The following TPM4 variants were observed in gnomAD, a reference collection of about 807,000 sequenced individuals.
TPM4 encodes tropomyosin alpha-4 chain.
A neutral mutation model predicts 35.8 loss-of-function variants in TPM4; 17 were observed. The observed-to-expected ratio is 0.47, with a 90% CI of 0.32 to 0.71. The LOEUF is 0.71. Ranked by LOEUF, TPM4 falls within the 30% of genes least tolerant of loss-of-function variation. TPM4 has a pLI of 0.03. For missense variants in TPM4, 240 were observed against 320.9 expected, an observed-to-expected ratio of 0.75 and a Z score of 1.93; for synonymous variants, 120 against 122.9, an observed-to-expected ratio of 0.98 and a Z score of 0.15.
At chr19:16,095,547 T>G in intron 7 of TPM4, 1 of 1,014,436 alleles carries the variant, frequency 9.9e-7, no homozygotes, top group Non-Finnish European at 1.2e-6. Context: ...ACTTGCTGCC[T>G]TTGAGCTGTA....
At position 16,070,722 on chromosome 19, in the gene TPM4, C is replaced by T. The variant is rs2144908130; in HGVS notation, c.114+2984C>T. The stretch of plus-strand genomic sequence containing the variant: ...CAATAAATGTAGGTTGATTTCCTGC[C>T]CCGCCCTACTTCCCCTTTGGGCCTC... On this transcript the variant is annotated intron_variant, in intron 2 of 2. Transcript: ENST00000589897. This position sits in a 1 kb window ranked among gnomAD's most constrained non-coding sequence, Gnocchi z 7.4. 6.6e-6 allele frequency among the ~76,000 whole-genome samples: 1 copy of T among 152,124 alleles called. No individual in the cohort carries two copies. Among genetic ancestry groups the T allele is most frequent in the Non-Finnish European group, 1.5e-5 (1 of 67,982 alleles).
chr19:16,068,977 T>C (rs1256594527), intron 2 of TPM4, among the ~76,000 whole-genome samples: 2 of 151,954 alleles, frequency 1.3e-5, no homozygotes, highest in Non-Finnish European at 2.9e-5. Context: ...GTGGGTGTGT[T>C]TGTGAGCCTG....
upstream of TPM4, among the ~76,000 whole-genome samples, chr19:16,073,510 C>T (rs572770799): frequency 1.4e-3 from 214 of 152,210 alleles, no homozygotes; most frequent in African/African-American, 4.8e-3. Context: ...GAAAAGGGGA[C>T]GGGGGTCGCA....
upstream of TPM4, chr19:16,074,282 A>G (rs564505389): frequency 7.9e-5 from 12 of 152,360 alleles, no homozygotes; most frequent in African/African-American, 2.9e-4. Context: ...ACAAAACACC[A>G]TAGACTGGGT....
At position 16,086,483 on chromosome 19, in the gene TPM4, G is replaced by A. The variant is rs1388735652; in HGVS notation, c.327G>A (p.Glu109=). ...ATGAGGAGAAGATGGAGATTCAGGAGATGCAGCTCAAAGAGGCCAAGCACA... is the reference window on the plus strand; with the variant it reads ...ATGAGGAGAAGATGGAGATTCAGGAAATGCAGCTCAAAGAGGCCAAGCACA... ...MKDEEKMEIQ[E]MQLKEAKHIA... The change falls in exon 3 of 8, where the codon GAG becomes GAA. Residue 109 remains glutamate (E), a synonymous_variant. Transcript: ENST00000643579. 6.2e-7 allele frequency: 1 copy of A among 1,614,038 alleles called. No homozygotes were observed. Among genetic ancestry groups the A allele is most frequent in the East Asian group, 2.2e-5 (1 of 44,882 alleles).
intron 5 of TPM4, 63 bp from the exon 6 acceptor site, chr19:16,093,473 C>A: frequency 6.3e-7 from 1 of 1,591,898 alleles, no homozygotes; most frequent in Non-Finnish European, 8.6e-7. Context: ...GGATTCCAGG[C>A]ATGAGCCACC....
intron 2 of TPM4, among the ~76,000 whole-genome samples, chr19:16,071,126 G>A (rs1753549381): frequency 6.6e-6 from 1 of 152,108 alleles, no homozygotes; most frequent in African/African-American, 2.4e-5. Flanking sequence ...CTCAAAGCAA[G>A]TCTACACAGA....
At chr19:16,076,826 A>G (rs2090413762) in intron 1 of TPM4, 129 bp downstream of exon 1, 1 of 1,260,148 alleles carries the variant, frequency 7.9e-7, no homozygotes, top group Admixed American at 4.3e-5. Context: ...TCGGACGCCG[A>G]TCGCCGACCC....
At chr19:16,083,441 G>A (rs2090508920) in intron 2 of TPM4, among the ~76,000 whole-genome samples, 1 of 152,144 alleles carries the variant, frequency 6.6e-6, no homozygotes. Flanking sequence ...GTGAGACTCT[G>A]TCTCAAAAAG....
chr19:16,068,996 T>A (rs150699706), intron 2 of TPM4, among the ~76,000 whole-genome samples: 1 of 151,960 alleles, frequency 6.6e-6, no homozygotes, highest in Non-Finnish European at 1.5e-5. Context: ...TGTGTGTAGA[T>A]GGTGGGGGTC....
At position 16,088,399 on chromosome 19, in the gene TPM4, G is replaced by T. The variant is rs537961039; in HGVS notation, c.455+302G>T. 119 of 1,239,306 alleles carry T rather than the reference G, an allele frequency of 9.6e-5. 2 individuals are homozygous for T. The South Asian group carries it at 1.9e-3, about 20-fold the overall frequency. 76.8% of individuals were successfully genotyped at this position (1,239,306 alleles called of 1,614,324 possible). ...TTTTCCCAGAGAGGATATCTCAGGGGGCTGTGCCATCTTAACAGAACACTG... is the reference window on the plus strand; with the variant it reads ...TTTTCCCAGAGAGGATATCTCAGGGTGCTGTGCCATCTTAACAGAACACTG... On this transcript the variant is annotated intron_variant, in intron 4 of 7. Transcript: ENST00000643579.
chr19:16,088,555 A>G, intron 4 of TPM4: 1 of 1,040,500 alleles, frequency 9.6e-7, no homozygotes, highest in Non-Finnish European at 1.2e-6. Context: ...GCACCGAAAA[A>G]CAAAACACCT....
At chr19:16,088,615 T>C (rs1347812785) in intron 4 of TPM4, 14 of 1,033,504 alleles carry the variant, frequency 1.4e-5, no homozygotes, top group Non-Finnish European at 1.6e-5. Context: ...CATCCGGGAG[T>C]GCTGAGAGAG....
chr19:16,095,410 C>T (rs2090683993), intron 7 of TPM4: 1 of 1,031,382 alleles, frequency 9.7e-7, no homozygotes. Flanking sequence ...CTGTGGGCTT[C>T]TAGGAGCTCC....
rs1017985050 is a variant in TPM4, at chr19:16,067,823, C to T, written c.114+85C>T. The stretch of plus-strand genomic sequence containing the variant: ...CGGGGTCTGGAGCCCAGTTGGGGGT[C>T]GCAGACACCTGCGGGAGGATAGGAG... On this transcript the variant is annotated intron_variant, in intron 2 of 2. Coordinates refer to the TPM4 transcript ENST00000589897. This position sits in a 1 kb window ranked among gnomAD's most constrained non-coding sequence, Gnocchi z 4.1. The T allele has an allele frequency of 1.3e-5, 16 of 1,279,584 alleles. No homozygotes were observed. In the Admixed American group the frequency reaches 1.7e-4, roughly 13 times the overall value. The allele number at this position is 1,279,584 out of a possible 1,614,324, so 79.3% of individuals were successfully genotyped here.
At chr19:16,075,839 T>G, upstream of TPM4, 1 of 737,444 alleles carries the variant, frequency 1.4e-6, no homozygotes, top group Non-Finnish European at 2.1e-6. Flanking sequence ...CAGCTGGTCC[T>G]CAGGACGAGG....
intron 5 of TPM4, among the ~76,000 whole-genome samples, chr19:16,089,568 C>T (rs11086023): frequency 0.29 from 43,390 of 152,008 alleles, 7,078 homozygotes; most frequent in East Asian, 0.78. Context: ...CACACTTCCA[C>T]GGCCGAACCC....
chr19:16,072,338 A>G (rs1317072639), upstream of TPM4, among the ~76,000 whole-genome samples: 4 of 152,210 alleles, frequency 2.6e-5, no homozygotes, highest in Non-Finnish European at 4.4e-5. Flanking sequence ...AGGCTGGGAC[A>G]GCTGTAGGCG....
Position 16,086,349 on chromosome 19 carries a change from GA to G in TPM4, c.267-71del. The G allele has an allele frequency of 2.2e-6, 3 of 1,356,982 alleles. No individual in the cohort carries two copies. In the South Asian group the frequency reaches 3.5e-5, roughly 16 times the overall value. The allele number at this position is 1,356,982 out of a possible 1,614,324, so 84.1% of individuals were successfully genotyped here. A position where few individuals can be genotyped will look rare whatever the true frequency, so the allele number is the denominator to read the frequency against. ...TGGATGACAGAGCGAGACTCCATCT[GA>G]AAGAAAAGATAGATGAGAGGTGGGT... On this transcript the variant is annotated intron_variant, in intron 2 of 7. Coordinates refer to ENST00000643579, the MANE Select transcript of TPM4 (RefSeq NM_003290.3).
Sources: gnomAD v4.1 joint callset for allele counts (sites outside exome capture counted in the v4.1 genomes callset) on GRCh38, gnomAD v4.1.1 for gene constraint, Gnocchi (gnomAD v3.1) non-coding constraint, MANE v1.5 for transcripts, NCBI Gene and HGNC (gene_info 2026-07-23, HGNC 2026-07-21) for gene names.